The following GCNT2 variants were observed in gnomAD, a reference collection of about 807,000 sequenced individuals.
GCNT2 encodes N-acetyllactosaminide beta-1,6-N-acetylglucosaminyl-transferase.
In GCNT2, 34 loss-of-function variants were observed where a neutral mutation model predicts 34.2. The ratio of observed to expected loss-of-function variants is 1.00; its 90% CI spans 0.76 to 1.32. GCNT2 has a LOEUF of 1.32. Ranked by LOEUF, GCNT2 falls within the 40% of genes most tolerant of loss-of-function variation. The pLI, the probability that GCNT2 is intolerant of heterozygous loss-of-function variation, is 0.00. For missense variants in GCNT2, 584 were observed against 489.4 expected, an observed-to-expected ratio of 1.19 and a Z score of -1.82; for synonymous variants, 212 against 188.0, an observed-to-expected ratio of 1.13 and a Z score of -1.04.
In GCNT2 at chr6:10,557,667, A is replaced by T. The variant is rs545978180; in HGVS notation, c.925+27831A>T. ...CATACTGGGCTAATTTTTAAAAAAA[A>T]TTTTGTGCAGACAGGGTCTCGCTAT... is the stretch of plus-strand genomic sequence containing the variant. On this transcript the variant is annotated intron_variant, in intron 3 of 4. Coordinates refer to ENST00000495262, the MANE Select transcript of GCNT2 (RefSeq NM_145649.5). Among the ~76,000 whole-genome samples the T allele has an allele frequency of 3.9e-5, 6 of 152,088 alleles. No individual in the cohort carries two copies. The East Asian group carries it at 1.2e-3, about 30-fold the overall frequency.
At chr6:10,549,560 TCTC>T (rs1762399231) in intron 3 of GCNT2, among the ~76,000 whole-genome samples, 2 of 109,108 alleles carry the variant, frequency 1.8e-5, no homozygotes, top group Admixed American at 8.3e-5. Context: ...TCAATCTCTC[TCTC>T]TTTTTTTTTT....
intron 3 of GCNT2, among the ~76,000 whole-genome samples, chr6:10,566,407 C>T (rs955787313): frequency 2.0e-5 from 3 of 152,158 alleles, no homozygotes; most frequent in Admixed American, 1.3e-4. Flanking sequence ...AGGCAGTTCT[C>T]CTGCCTCTGC....
At chr6:10,560,083 A>AC (rs1320545391) in intron 3 of GCNT2, among the ~76,000 whole-genome samples, 2 of 152,160 alleles carry the variant, frequency 1.3e-5, no homozygotes, top group Non-Finnish European at 2.9e-5. Context: ...GCCGTTAATC[A>AC]ATATCAGCTC....
chr6:10,542,637 T>C (rs1377867365), intron 3 of GCNT2, among the ~76,000 whole-genome samples: 1 of 152,214 alleles, frequency 6.6e-6, no homozygotes, highest in East Asian at 1.9e-4. Context: ...CTTTTACTTA[T>C]TGCCATGTTT....
chr6:10,529,674 C>G lies in GCNT2; in HGVS notation c.763C>G (p.Pro255Ala). 1 of 1,614,138 alleles carries G rather than the reference C, an allele frequency of 6.2e-7. No homozygotes were observed. The highest frequency in any genetic ancestry group is 8.5e-7 in the Non-Finnish European group (1 of 1,180,008). The change falls in exon 3 of 5, where the codon CCT (proline) becomes GCT (alanine). Residue 255 changes from proline (P) to alanine (A), a missense_variant. Physicochemically the swap from Pro to Ala is conservative, Grantham distance 27 (BLOSUM62 -1). Coordinates refer to ENST00000495262, the MANE Select transcript of GCNT2 (RefSeq NM_145649.5). ...AACAACAAAATTAAAAACTCCTCCT[C>G]CTCATGACATGGTGATTTACTTTGG... Reference protein sequence around the residue: ...IKTTKLKTPPPHDMVIYFGTA... With the variant: ...IKTTKLKTPPAHDMVIYFGTA...
intron 3 of GCNT2, chr6:10,586,586 C>A: frequency 1.2e-6 from 2 of 1,614,106 alleles, no homozygotes; most frequent in Admixed American, 1.7e-5. Flanking sequence ...CCCTGAAAAC[C>A]AACCGGGAGA....
At chr6:10,582,624 T>TG (rs537212088) in intron 3 of GCNT2, among the ~76,000 whole-genome samples, 2 of 138,898 alleles carry the variant, frequency 1.4e-5, no homozygotes, top group African/African-American at 5.4e-5. Flanking sequence ...ATATATATAT[T>TG]TTTTTTCCCA....
At chr6:10,534,139 CTCTTTT>C (rs1430749899) in intron 3 of GCNT2, among the ~76,000 whole-genome samples, 2 of 123,152 alleles carry the variant, frequency 1.6e-5, no homozygotes, top group Non-Finnish European at 3.4e-5. Flanking sequence ...TTCCATGCTG[CTCTTTT>C]TTTTTTTTTT....
intron 3 of GCNT2, among the ~76,000 whole-genome samples, chr6:10,587,611 G>A (rs1380828824): frequency 1.3e-5 from 2 of 152,194 alleles, no homozygotes; most frequent in African/African-American, 4.8e-5. Flanking sequence ...CCAATTTGCA[G>A]CTTCTTGTTT....
intron 3 of GCNT2, among the ~76,000 whole-genome samples, chr6:10,595,197 A>G (rs374877616): frequency 2.1e-4 from 32 of 152,330 alleles, no homozygotes; most frequent in African/African-American, 7.2e-4. Flanking sequence ...CCTTAAAAAC[A>G]TGAAGGATGT....
chr6:10,593,214 C>T (rs966506666), intron 3 of GCNT2, among the ~76,000 whole-genome samples: 3 of 152,264 alleles, frequency 2.0e-5, no homozygotes, highest in Non-Finnish European at 4.4e-5. Context: ...TTAATTCTAG[C>T]GGAAAGGATG....
At chr6:10,545,541 A>G (rs1347091033) in intron 3 of GCNT2, among the ~76,000 whole-genome samples, 1 of 152,230 alleles carries the variant, frequency 6.6e-6, no homozygotes, top group Non-Finnish European at 1.5e-5. Flanking sequence ...CTTATTAGGA[A>G]TAAAGCGAAC....
chr6:10,596,999 G>A (rs75524788), intron 3 of GCNT2, among the ~76,000 whole-genome samples: 2 of 152,078 alleles, frequency 1.3e-5, no homozygotes, highest in Non-Finnish European at 2.9e-5. Flanking sequence ...CTTTGGAATA[G>A]GACAGATCTT....
At chr6:10,537,669 C>A (rs1348352754) in intron 3 of GCNT2, among the ~76,000 whole-genome samples, 2 of 133,518 alleles carry the variant, frequency 1.5e-5, no homozygotes, top group Non-Finnish European at 3.1e-5. Flanking sequence ...CCACTGCACT[C>A]CAACCTGGGC....
intron 3 of GCNT2, among the ~76,000 whole-genome samples, chr6:10,616,994 T>C (rs367842128): frequency 6.8e-6 from 1 of 147,636 alleles, no homozygotes; most frequent in African/African-American, 2.7e-5. Flanking sequence ...CAGCTGGCTT[T>C]ACCCAGTGGA....
At chr6:10,593,436 C>T (rs1764729424) in intron 3 of GCNT2, among the ~76,000 whole-genome samples, 1 of 152,160 alleles carries the variant, frequency 6.6e-6, no homozygotes, top group Admixed American at 6.5e-5. Context: ...CTTCTGGGCT[C>T]AAGTAATCCT....
At chr6:10,599,065 C>T (rs9466911) in intron 3 of GCNT2, among the ~76,000 whole-genome samples, 1 of 151,922 alleles carries the variant, frequency 6.6e-6, no homozygotes, top group Non-Finnish European at 1.5e-5. Context: ...AAATGCAGTC[C>T]CCCAAAGTGC....
chr6:10,605,247 ACT>A (rs1765259128), intron 3 of GCNT2, among the ~76,000 whole-genome samples: 1 of 116,042 alleles, frequency 8.6e-6, no homozygotes. Context: ...ACAGAGTCTC[ACT>A]CTGCCACCCA....
chr6:10,562,445 C>T (rs1213296423), intron 3 of GCNT2, among the ~76,000 whole-genome samples: 2 of 152,002 alleles, frequency 1.3e-5, no homozygotes, highest in East Asian at 1.9e-4. Context: ...TGGTTGGGCA[C>T]GGTGGCTCAC....
Sources: gnomAD v4.1 joint callset for allele counts (sites outside exome capture counted in the v4.1 genomes callset) on GRCh38, gnomAD v4.1.1 for gene constraint, MANE v1.5 for transcripts, NCBI Gene and HGNC (gene_info 2026-07-23, HGNC 2026-07-21) for gene names.